PSME4: variants seen among roughly 807,000 people sequenced by gnomAD.
PSME4 encodes the protein proteasome activator complex subunit 4.
PSME4 carries 89 observed loss-of-function variants against 253.9 expected under a neutral mutation model. The observed-to-expected ratio is 0.35, with a 90% confidence interval of 0.30 to 0.42. The LOEUF is 0.42. Among genes scored for constraint, PSME4 ranks in the 10% least tolerant of loss-of-function variants. The probability of loss-of-function intolerance (pLI) is 1.00; values close to 1 mark genes in which losing one functional copy is unlikely to be tolerated. For synonymous variants in PSME4, 851 were observed against 759.2 expected (o/e 1.12, Z -1.99); for missense variants, 2,014 against 2,195.2 (o/e 0.92, Z 1.65).
At chr2:53,930,752 A>G (rs1035966757) in intron 10 of PSME4, among the ~76,000 whole-genome samples, 1 of 152,216 alleles carries the variant, frequency 6.6e-6, no homozygotes, top group African/African-American at 2.4e-5. Context: ...TGTCTCAACA[A>G]TAAGTCAGAA....
chr2:53,962,841 T>C (rs796380709), intron 1 of PSME4, among the ~76,000 whole-genome samples: 72 of 151,956 alleles, frequency 4.7e-4, no homozygotes, highest in African/African-American at 1.5e-3. Context: ...TGAAACCCCA[T>C]CTCTATTAAA....
At chr2:53,933,908 C>T (rs1319402886) in intron 8 of PSME4, among the ~76,000 whole-genome samples, 2 of 152,036 alleles carry the variant, frequency 1.3e-5, no homozygotes, top group East Asian at 1.9e-4. Context: ...ATGGCAAAAA[C>T]AAGGGGGGGC....
chr2:53,913,917 G>A (rs1667944754), intron 20 of PSME4, among the ~76,000 whole-genome samples: 1 of 152,206 alleles, frequency 6.6e-6, no homozygotes, highest in Non-Finnish European at 1.5e-5. Context: ...TCCCCCAGCA[G>A]AGCTGGGTAG....
In PSME4 at chr2:53,949,204, T is replaced by C. The variant is rs376304382; in HGVS notation, c.322A>G (p.Ile108Val). Residue 108 changes from isoleucine (I) to valine (V), a missense_variant, in exon 2 of 47, where the codon ATT becomes GTT. Around this residue, in one of 4 missense-constraint regions of PSME4, gnomAD observed 615 missense variants for 594.4 expected, o/e 1.03. Transcript: ENST00000404125. ...ATCATGCTGATTTCCAGTTTTGGAA[T>C]TGATACCAGCTCATACAATAACTTA... ...FIKLLYELVSIPKLEISMMQG... is the reference protein window; with the variant it reads ...FIKLLYELVSVPKLEISMMQG... 4.4e-5 allele frequency: 71 copies of C among 1,612,508 alleles called. No homozygotes were observed. The highest frequency in any genetic ancestry group is 1.5e-4 in the South Asian group (14 of 90,608).
chr2:53,890,350 AGGCT>A (rs1405465906), intron 36 of PSME4, 142 bp from the exon 37 acceptor site: 2 of 620,798 alleles, frequency 3.2e-6, no homozygotes, highest in African/African-American at 3.7e-5. Flanking sequence ...GCTATTGCCC[AGGCT>A]GGAGTGCAGT....
chr2:53,908,131 T>A, intron 24 of PSME4, 189 bp downstream of exon 24: 1 of 548,250 alleles, frequency 1.8e-6, no homozygotes. Context: ...AGATTCTGTA[T>A]AAGAAAAATA....
At chr2:53,920,124 C>T in intron 19 of PSME4, 69 bp downstream of exon 19, 1 of 1,352,958 alleles carries the variant, frequency 7.4e-7, no homozygotes, top group Non-Finnish European at 9.9e-7. Flanking sequence ...TGAGATATGC[C>T]ACAGATAAAG....
intron 3 of PSME4, among the ~76,000 whole-genome samples, chr2:53,946,048 G>A (rs979683007): frequency 6.6e-6 from 1 of 152,200 alleles, no homozygotes; most frequent in East Asian, 1.9e-4. Context: ...ACTTTAGGAA[G>A]AGACATGGTA....
intron 1 of PSME4, among the ~76,000 whole-genome samples, chr2:53,951,324 C>T (rs1374161118): frequency 6.6e-6 from 1 of 152,198 alleles, no homozygotes; most frequent in Non-Finnish European, 1.5e-5. Context: ...CTTGAGATCC[C>T]CCCTGCCTTG....
chr2:53,908,170 T>C, intron 24 of PSME4, 150 bp downstream of exon 24: 3 of 588,528 alleles, frequency 5.1e-6, no homozygotes, highest in Non-Finnish European at 8.7e-6. Context: ...ATTTGATTTC[T>C]ACCATGATGT....
chr2:53,895,225 A>G, intron 33 of PSME4, 149 bp from the exon 34 acceptor site: 1 of 637,710 alleles, frequency 1.6e-6, no homozygotes, highest in Non-Finnish European at 2.6e-6. Flanking sequence ...TAGGCCTTAA[A>G]AATCTATCAG....
intron 35 of PSME4, 117 bp downstream of exon 35, chr2:53,893,557 A>T (rs1191488951): frequency 1.3e-6 from 2 of 1,533,264 alleles, no homozygotes; most frequent in Non-Finnish European, 1.7e-6. Context: ...TGTAAATTCC[A>T]GTGCCATTTT....
At chr2:53,894,684 A>G (rs1317832013) in intron 34 of PSME4, among the ~76,000 whole-genome samples, 2 of 149,470 alleles carry the variant, frequency 1.3e-5, no homozygotes, top group African/African-American at 5.1e-5. Flanking sequence ...AAAACTAAAA[A>G]TCAGTCATTA....
chr2:53,943,846 CAAA>C (rs5831284), intron 3 of PSME4, among the ~76,000 whole-genome samples: 29,423 of 81,028 alleles, frequency 0.36, 3,874 homozygotes, highest in Non-Finnish European at 0.45. Context: ...AACTCCATCT[CAAA>C]AAAAAAAAAA....
chr2:53,903,964 T>G, intron 27 of PSME4, 61 bp downstream of exon 27: 2 of 1,415,430 alleles, frequency 1.4e-6, no homozygotes, highest in African/African-American at 1.4e-5. Context: ...ACCGTAGAAT[T>G]TTTTCAGCTT....
intron 3 of PSME4, among the ~76,000 whole-genome samples, chr2:53,940,965 A>T (rs1295168972): frequency 0.013 from 962 of 72,412 alleles, 92 homozygotes; most frequent in African/African-American, 0.04. Flanking sequence ...ATATATATAT[A>T]TATATATATA....
intron 27 of PSME4, among the ~76,000 whole-genome samples, chr2:53,902,587 T>C (rs888813260): frequency 1.6e-4 from 25 of 152,178 alleles, no homozygotes; most frequent in Non-Finnish European, 2.8e-4. Flanking sequence ...CTCTCTAATT[T>C]TGTCCATTTA....
chr2:53,911,202 G>A (rs1414397252), intron 20 of PSME4, among the ~76,000 whole-genome samples: 1 of 152,102 alleles, frequency 6.6e-6, no homozygotes, highest in Non-Finnish European at 1.5e-5. Context: ...ACCCAGTACA[G>A]AGGATAGCAA....
intron 1 of PSME4, among the ~76,000 whole-genome samples, chr2:53,969,069 T>C (rs912323541): frequency 2.6e-5 from 4 of 152,242 alleles, no homozygotes; most frequent in African/African-American, 9.6e-5. Context: ...AAAGTGACTA[T>C]TTTTACTGTG....
Sources: allele counts gnomAD v4.1 joint callset (sites outside exome capture counted in the v4.1 genomes callset), GRCh38; gene constraint gnomAD v4.1.1; regional missense constraint gnomAD v4.1.1; transcripts MANE v1.5; gene names NCBI Gene and HGNC (gene_info 2026-07-23, HGNC 2026-07-21).